UBR3: variants seen among roughly 807,000 people sequenced by gnomAD.
The protein encoded by UBR3 is E3 ubiquitin-protein ligase UBR3.
A neutral mutation model predicts 243.2 loss-of-function variants in UBR3; 85 were observed. The observed-to-expected ratio is 0.35, with a 90% CI of 0.29 to 0.42. UBR3 has a LOEUF of 0.42. Ranked by LOEUF, UBR3 falls within the 10% of genes least tolerant of loss-of-function variation. The pLI, the probability that UBR3 is intolerant of heterozygous loss-of-function variation, is 1.00. For missense variants in UBR3, 1,686 were observed against 2,300.8 expected, an observed-to-expected ratio of 0.73 and a Z score of 5.47; for synonymous variants, 748 against 799.8, an observed-to-expected ratio of 0.94 and a Z score of 1.09.
At chr2:170,054,692 A>T (rs185788697) in intron 32 of UBR3, among the ~76,000 whole-genome samples, 2 of 152,080 alleles carry the variant, frequency 1.3e-5, no homozygotes, top group African/African-American at 4.8e-5. Context: ...AAACATCAAG[A>T]TTTTTTTTAA....
rs2090949073 is a variant in UBR3, at chr2:170,040,818, T to C, written c.4557-64T>C. 4.1e-6 allele frequency: 5 copies of C among 1,211,590 alleles called. No individual in the cohort carries two copies. The Admixed American group carries it at 1.0e-4, about 24-fold the overall frequency. 75.1% of individuals were successfully genotyped at this position (1,211,590 alleles called of 1,614,324 possible). ...CTGTTCCATAGATATATATGTGACATATAAAATAAATTAGAAAGAGAAGAT... is the reference window on the plus strand; with the variant it reads ...CTGTTCCATAGATATATATGTGACACATAAAATAAATTAGAAAGAGAAGAT... On this transcript the variant is annotated intron_variant, in intron 31 of 38. Coordinates refer to ENST00000272793, the MANE Select transcript of UBR3 (RefSeq NM_172070.4).
intron 11 of UBR3, among the ~76,000 whole-genome samples, chr2:169,920,109 G>A (rs13017736): frequency 0.42 from 64,381 of 151,948 alleles, 15,235 homozygotes; most frequent in Non-Finnish European, 0.54. Context: ...GCAGATATAC[G>A]CCATGGAATA....
chr2:169,987,641 T>C (rs2089082520), intron 25 of UBR3, among the ~76,000 whole-genome samples: 1 of 151,854 alleles, frequency 6.6e-6, no homozygotes, highest in South Asian at 2.1e-4. Flanking sequence ...TCCATTGTCT[T>C]CCATAATGAA....
At chr2:169,889,751 A>T (rs571198978) in intron 5 of UBR3, among the ~76,000 whole-genome samples, 2 of 152,328 alleles carry the variant, frequency 1.3e-5, no homozygotes, top group South Asian at 4.1e-4. Flanking sequence ...AAAACCCCAG[A>T]AAATGGCCCT....
At chr2:170,071,278 A>G (rs1244209997) in intron 35 of UBR3, among the ~76,000 whole-genome samples, 1 of 152,236 alleles carries the variant, frequency 6.6e-6, no homozygotes, top group Non-Finnish European at 1.5e-5. Context: ...ATGAATGTTC[A>G]TAATAGCCAA....
intron 19 of UBR3, among the ~76,000 whole-genome samples, chr2:169,939,715 C>T (rs930252250): frequency 6.6e-6 from 1 of 151,990 alleles, no homozygotes; most frequent in Non-Finnish European, 1.5e-5. Flanking sequence ...AGGGGTGCAT[C>T]ACCATGCTTG....
chr2:169,965,036 G>A, intron 24 of UBR3: 1 of 453,154 alleles, frequency 2.2e-6, no homozygotes, highest in Non-Finnish European at 4.4e-6. Context: ...TAGGATTCCA[G>A]ATCACACTGA....
intron 30 of UBR3, among the ~76,000 whole-genome samples, chr2:170,022,860 C>T (rs1218472027): frequency 6.6e-6 from 1 of 152,060 alleles, no homozygotes; most frequent in Non-Finnish European, 1.5e-5. Flanking sequence ...CCTTCTGTCT[C>T]TTGGGAACCA....
intron 20 of UBR3, among the ~76,000 whole-genome samples, chr2:169,943,068 T>C (rs1010814344): frequency 6.6e-6 from 1 of 152,132 alleles, no homozygotes; most frequent in Non-Finnish European, 1.5e-5. Flanking sequence ...CGTGGAAGGA[T>C]TTGAGTGTGG....
intron 1 of UBR3, among the ~76,000 whole-genome samples, chr2:169,839,218 C>A (rs1206000456): frequency 2.0e-5 from 3 of 152,132 alleles, no homozygotes; most frequent in Non-Finnish European, 4.4e-5. Context: ...TCATTTGTAG[C>A]AACATGGGTG....
At chr2:169,849,458 C>G (rs2082589627) in intron 1 of UBR3, among the ~76,000 whole-genome samples, 1 of 152,142 alleles carries the variant, frequency 6.6e-6, no homozygotes, top group Admixed American at 6.5e-5. Flanking sequence ...ACACACCTGG[C>G]TAGTTTTTCT....
intron 1 of UBR3, among the ~76,000 whole-genome samples, chr2:169,852,737 G>T (rs1039728296): frequency 3.4e-5 from 5 of 148,588 alleles, no homozygotes; most frequent in Admixed American, 6.8e-5. Context: ...TGTAATCCCA[G>T]CTATTCAGGA....
intron 2 of UBR3, 135 bp from the exon 3 acceptor site, chr2:169,875,656 T>C (rs2083579711): frequency 3.4e-6 from 3 of 872,080 alleles, no homozygotes; most frequent in Admixed American, 3.4e-5. Context: ...AACAGAGTTC[T>C]TGTATTGACT....
intron 1 of UBR3, among the ~76,000 whole-genome samples, chr2:169,867,563 A>C (rs1367291101): frequency 6.6e-6 from 1 of 152,170 alleles, no homozygotes; most frequent in Non-Finnish European, 1.5e-5. Flanking sequence ...TTGTGTTACG[A>C]ACATTTACAA....
At chr2:169,974,765 C>T (rs1488514087) in intron 24 of UBR3, among the ~76,000 whole-genome samples, 1 of 152,034 alleles carries the variant, frequency 6.6e-6, no homozygotes, top group African/African-American at 2.4e-5. Context: ...TATTTGAAAT[C>T]TTTCTACTTT....
At chr2:169,840,386 C>T (rs2082250977) in intron 1 of UBR3, among the ~76,000 whole-genome samples, 1 of 152,166 alleles carries the variant, frequency 6.6e-6, no homozygotes, top group Non-Finnish European at 1.5e-5. Flanking sequence ...GGTATCTGAC[C>T]GAGATGTCGG....
chr2:169,845,549 TTCTTTCTTC>T (rs1385887917), intron 1 of UBR3, among the ~76,000 whole-genome samples: 2 of 148,110 alleles, frequency 1.4e-5, no homozygotes, highest in Admixed American at 6.8e-5. Flanking sequence ...CTTCTTCTTC[TTCTTTCTTC>T]TTCTTCTTCT....
At position 170,040,982 on chromosome 2, in the gene UBR3, A is replaced by G; in HGVS notation, c.4657A>G (p.Lys1553Glu). 6.2e-7 allele frequency: 1 copy of G among 1,609,482 alleles called. No individual in the cohort carries two copies. The highest frequency in any genetic ancestry group is 8.5e-7 in the Non-Finnish European group (1 of 1,176,308). The change falls in exon 32 of 39, where the codon AAA (lysine) becomes GAA (glutamate). Residue 1553 changes from lysine (K) to glutamate (E), a missense_variant. Physicochemically the swap from Lys to Glu is moderately conservative, Grantham distance 56. Around this residue, in one of 8 missense-constraint regions of UBR3, gnomAD observed 371 missense variants for 422.5 expected, o/e 0.88. Coordinates refer to ENST00000272793, the MANE Select transcript of UBR3 (RefSeq NM_172070.4). ...CTTAATGATGCCACAACCCTTACGCAAAGGTATGTCTTTATAATTCAGATT... is the reference window on the plus strand; with the variant it reads ...CTTAATGATGCCACAACCCTTACGCGAAGGTATGTCTTTATAATTCAGATT... ...QILMMPQPLRKDHFTCIVKVL... is the reference protein window; with the variant it reads ...QILMMPQPLREDHFTCIVKVL...
chr2:169,941,837 C>G (rs2105356434), intron 19 of UBR3, among the ~76,000 whole-genome samples: 1 of 152,272 alleles, frequency 6.6e-6, no homozygotes, highest in East Asian at 1.9e-4. Flanking sequence ...GGAACTTGTT[C>G]TTACATCCCA....
Sources: gnomAD v4.1 joint callset for allele counts (sites outside exome capture counted in the v4.1 genomes callset) on GRCh38, gnomAD v4.1.1 for gene constraint, gnomAD v4.1.1 regional missense constraint, MANE v1.5 for transcripts, NCBI Gene and HGNC (gene_info 2026-07-23, HGNC 2026-07-21) for gene names.